GARIN4: variants seen among roughly 807,000 people sequenced by gnomAD.
GARIN4 encodes the protein golgi associated RAB2 interactor family member 4.
At chr1:212,626,352 G>T in the GARIN4 span, 2 of 1,614,182 alleles carry the variant, frequency 1.2e-6, no homozygotes, top group African/African-American at 2.7e-5. Context: ...TCGCATAAAG[G>T]TGTCAGCCAC....
the GARIN4 span, chr1:212,626,382 C>A: frequency 6.2e-7 from 1 of 1,614,184 alleles, no homozygotes; most frequent in Non-Finnish European, 8.5e-7. Context: ...TCAAAGGAGT[C>A]CAGGACCTCT....
the GARIN4 span, chr1:212,625,761 C>T: frequency 5.0e-6 from 8 of 1,613,986 alleles, no homozygotes; most frequent in Non-Finnish European, 6.8e-6. Flanking sequence ...GTAGCAGGTG[C>T]CTTGAGTGTG....
the GARIN4 span, chr1:212,625,032 A>G: frequency 6.2e-7 from 1 of 1,614,216 alleles, no homozygotes; most frequent in South Asian, 1.1e-5. Context: ...GACTTTATCC[A>G]GATCACCAAA....
the GARIN4 span, chr1:212,624,647 A>G: frequency 5.0e-5 from 31 of 625,074 alleles, no homozygotes; most frequent in African/African-American, 5.5e-4. Flanking sequence ...TCTGGAGTCC[A>G]GGCACCCTAC....
chr1:212,625,699 G>A, the GARIN4 span: 2 of 1,614,080 alleles, frequency 1.2e-6, no homozygotes, highest in South Asian at 1.1e-5. Flanking sequence ...CAACAGGGGG[G>A]ATTAAAGAGG....
At chr1:212,625,856 A>T in the GARIN4 span, 5 of 1,614,242 alleles carry the variant, frequency 3.1e-6, no homozygotes, top group African/African-American at 1.3e-5. Context: ...CAAAGGCAAC[A>T]TGGCCCTTGC....
At chr1:212,626,359 C>T in the GARIN4 span, 1 of 1,614,180 alleles carries the variant, frequency 6.2e-7, no homozygotes, top group Non-Finnish European at 8.5e-7. Flanking sequence ...AAGGTGTCAG[C>T]CACACGCCCA....
the GARIN4 span, chr1:212,626,319 C>G: frequency 6.2e-7 from 1 of 1,614,028 alleles, no homozygotes; most frequent in African/African-American, 1.3e-5. Context: ...TGTGGCAACC[C>G]GGGGAGCAGC....
At chr1:212,625,682 G>A in the GARIN4 span, 1 of 1,614,154 alleles carries the variant, frequency 6.2e-7, no homozygotes, top group South Asian at 1.1e-5. Flanking sequence ...ACTTGCTGAG[G>A]AGCCAGCAAC....
chr1:212,625,801 G>A, the GARIN4 span: 10 of 1,614,214 alleles, frequency 6.2e-6, no homozygotes, highest in South Asian at 2.2e-5. Flanking sequence ...CTGGACAGGT[G>A]AGCGCAGCCA....
the GARIN4 span, chr1:212,625,865 G>C: frequency 6.2e-7 from 1 of 1,614,262 alleles, no homozygotes; most frequent in Admixed American, 1.7e-5. Context: ...CATGGCCCTT[G>C]CAGGCACTGC....
At chr1:212,625,864 T>C in the GARIN4 span, 2 of 1,614,238 alleles carry the variant, frequency 1.2e-6, no homozygotes, top group Non-Finnish European at 1.7e-6. Context: ...ACATGGCCCT[T>C]GCAGGCACTG....
chr1:212,625,923 G>C, the GARIN4 span: 3 of 1,614,086 alleles, frequency 1.9e-6, no homozygotes. Flanking sequence ...GGGGCTGCAG[G>C]CAAGTCCTCA....
At chr1:212,626,032 A>T in the GARIN4 span, 3 of 1,614,138 alleles carry the variant, frequency 1.9e-6, no homozygotes, top group Non-Finnish European at 2.5e-6. Context: ...CTGCAGAAGC[A>T]GACATGGATG....
chr1:212,625,259 C>T, the GARIN4 span: 33 of 1,613,978 alleles, frequency 2.0e-5, no homozygotes, highest in Middle Eastern at 1.6e-4. Context: ...GAGGTTTGTA[C>T]GGATCTCTGT....
chr1:212,625,728 C>T, the GARIN4 span: 3 of 1,613,916 alleles, frequency 1.9e-6, no homozygotes, highest in Non-Finnish European at 2.5e-6. Context: ...GCAGGGGCAG[C>T]TGCAGGGGCA....
chr1:212,625,591 T>C, the GARIN4 span: 3 of 1,614,098 alleles, frequency 1.9e-6, no homozygotes, highest in African/African-American at 1.3e-5. Context: ...CTGCTGCTTA[T>C]GCTGGAGGGG....
the GARIN4 span, chr1:212,624,823 A>G: frequency 7.2e-5 from 107 of 1,486,544 alleles, no homozygotes; most frequent in Admixed American, 3.3e-4. Context: ...CACCGAGGCC[A>G]AGGAAGACCC....
chr1:212,625,821 C>G, the GARIN4 span: 1 of 1,614,146 alleles, frequency 6.2e-7, no homozygotes, highest in Non-Finnish European at 8.5e-7. Context: ...ATAGCTGGGG[C>G]GGCCACCATC....
Sources: gnomAD v4.1 joint callset for allele counts on GRCh38, gnomAD v4.1.1 for gene constraint, MANE v1.5 for transcripts, NCBI Gene and HGNC (gene_info 2026-07-23, HGNC 2026-07-21) for gene names.